Variants in THSD7A observed in about 807,000 individuals in gnomAD.
THSD7A encodes the protein thrombospondin type-1 domain-containing protein 7A.
THSD7A carries 96 observed loss-of-function variants against 231.3 expected under a neutral mutation model. That is an observed-to-expected ratio of 0.41 (90% confidence interval 0.35 to 0.49). The LOEUF (loss-of-function observed/expected upper bound fraction) is 0.49, where lower values mean the gene tolerates loss of function less well. Among genes scored for constraint, THSD7A ranks in the 20% least tolerant of loss-of-function variants. The pLI is 0.05. For missense variants in THSD7A, 2,290 were observed against 2,070.2 expected (o/e 1.11, Z -2.06); for synonymous variants, 940 against 743.3 (o/e 1.26, Z -4.30).
chr7:11,680,852 T>C (rs1003081980), intron 1 of THSD7A, among the ~76,000 whole-genome samples: 16 of 151,964 alleles, frequency 1.1e-4, no homozygotes, highest in African/African-American at 3.6e-4. Flanking sequence ...CATCACCGAG[T>C]GTATACCTAA....
chr7:11,661,239 C>T (rs538928912), intron 1 of THSD7A, among the ~76,000 whole-genome samples: 3 of 151,448 alleles, frequency 2.0e-5, no homozygotes, highest in South Asian at 4.1e-4. Flanking sequence ...AAGGTGATCT[C>T]TCTCTAACCT....
chr7:11,407,555 A>T, intron 19 of THSD7A, 132 bp from the exon 20 acceptor site: 1 of 658,150 alleles, frequency 1.5e-6, no homozygotes, highest in Non-Finnish European at 2.6e-6. Flanking sequence ...TACCTGGAGG[A>T]CAAACATCCA....
chr7:11,651,309 A>T (rs1782492846), intron 1 of THSD7A, among the ~76,000 whole-genome samples: 1 of 152,034 alleles, frequency 6.6e-6, no homozygotes, highest in South Asian at 2.1e-4. Flanking sequence ...GTATTGGTTG[A>T]TGAGTGCAGA....
At chr7:11,808,021 T>C (rs945190157) in intron 1 of THSD7A, among the ~76,000 whole-genome samples, 18 of 152,102 alleles carry the variant, frequency 1.2e-4, no homozygotes, top group African/African-American at 4.1e-4. Context: ...TGGTCCCAAG[T>C]ACCCCAGAGG....
At chr7:11,523,023 GT>G (rs1394063112) in intron 6 of THSD7A, among the ~76,000 whole-genome samples, 6 of 152,048 alleles carry the variant, frequency 3.9e-5, no homozygotes, top group African/African-American at 1.4e-4. Flanking sequence ...TCTCAAGTAT[GT>G]CCACACTACA....
chr7:11,647,149 C>T (rs1782314427), intron 1 of THSD7A, among the ~76,000 whole-genome samples: 1 of 152,032 alleles, frequency 6.6e-6, no homozygotes, highest in Non-Finnish European at 1.5e-5. Context: ...CTAAGATTTT[C>T]TTATTCTACC....
At chr7:11,483,000 G>C (rs1028822103) in intron 6 of THSD7A, among the ~76,000 whole-genome samples, 1 of 152,172 alleles carries the variant, frequency 6.6e-6, no homozygotes, top group East Asian at 1.9e-4. Flanking sequence ...GAACAGAACA[G>C]AATGAAATCA....
intron 1 of THSD7A, among the ~76,000 whole-genome samples, chr7:11,647,657 C>A (rs981073410): frequency 6.6e-6 from 1 of 152,056 alleles, no homozygotes; most frequent in South Asian, 2.1e-4. Context: ...CAGGCATCTG[C>A]AAGTCCTCTG....
chr7:11,663,346 C>T (rs1232266006), intron 1 of THSD7A, among the ~76,000 whole-genome samples: 4 of 151,432 alleles, frequency 2.6e-5, no homozygotes, highest in Non-Finnish European at 5.9e-5. Flanking sequence ...GTTCCTCCGT[C>T]TATTCAATCT....
At chr7:11,721,243 C>A (rs1281419151) in intron 1 of THSD7A, among the ~76,000 whole-genome samples, 1 of 151,754 alleles carries the variant, frequency 6.6e-6, no homozygotes, top group Non-Finnish European at 1.5e-5. Flanking sequence ...TTTGTGTCTC[C>A]ACTCAAATTT....
chr7:11,401,564 C>A lies in THSD7A; in HGVS notation c.4411+231G>T, dbSNP rs114617594. On this transcript the variant is annotated intron_variant, in intron 23 of 27. Coordinates refer to ENST00000423059, the MANE Select transcript of THSD7A (RefSeq NM_015204.3). ...TCCTGAGTAGCTTGGATTACAGGAG[C>A]CTGACACCATGCATAATTTTTTTTT... Among the ~76,000 whole-genome samples, 473 of 152,122 alleles carry A rather than the reference C, an allele frequency of 3.1e-3. 3 individuals carry two copies. The highest frequency in any genetic ancestry group is 0.011 in the African/African-American group (439 of 41,510).
At chr7:11,643,821 T>C (rs1223699524) in intron 1 of THSD7A, among the ~76,000 whole-genome samples, 1 of 152,054 alleles carries the variant, frequency 6.6e-6, no homozygotes, top group Non-Finnish European at 1.5e-5. Context: ...TCCATTGCTA[T>C]ACATCAGTCA....
chr7:11,501,697 C>A (rs1194148561), intron 6 of THSD7A, among the ~76,000 whole-genome samples: 1 of 152,040 alleles, frequency 6.6e-6, no homozygotes, highest in Non-Finnish European at 1.5e-5. Context: ...CTTAAATTAG[C>A]AATGTAACTT....
chr7:11,655,641 A>T (rs1452423375), intron 1 of THSD7A, among the ~76,000 whole-genome samples: 1 of 151,944 alleles, frequency 6.6e-6, no homozygotes, highest in Non-Finnish European at 1.5e-5. Flanking sequence ...AAAACAGAGT[A>T]GACAAACAGT....
chr7:11,513,536 G>A (rs9638671), intron 6 of THSD7A, among the ~76,000 whole-genome samples: 39,647 of 151,880 alleles, frequency 0.26, 6,588 homozygotes, highest in Non-Finnish European at 0.37. Flanking sequence ...ACTTAAAGAA[G>A]CCAGACACAA....
At chr7:11,561,589 G>A (rs1298349999) in intron 4 of THSD7A, among the ~76,000 whole-genome samples, 1 of 152,186 alleles carries the variant, frequency 6.6e-6, no homozygotes, top group Non-Finnish European at 1.5e-5. Flanking sequence ...AAGAAACTGA[G>A]GCCAGGTGTG....
chr7:11,411,415 C>G lies in THSD7A; in HGVS notation c.3683-93G>C, dbSNP rs1024554680. The G allele has an allele frequency of 1.5e-5, 12 of 800,014 alleles. No individual in the cohort carries two copies. The African/African-American group carries it at 2.1e-4, about 14-fold the overall frequency. The allele number at this position is 800,014 out of a possible 1,614,324, so 49.6% of individuals were successfully genotyped here. ...TGACCTGAATCCCATATTTAATTCA[C>G]AACTGCTTCCTAAGCCCCATAATCA... On this transcript the variant is annotated intron_variant, in intron 18 of 27. Coordinates refer to ENST00000423059, the MANE Select transcript of THSD7A (RefSeq NM_015204.3). This position sits in a 1 kb window ranked among gnomAD's most constrained non-coding sequence, Gnocchi z 4.1.
At chr7:11,745,545 C>T (rs925898732) in intron 1 of THSD7A, among the ~76,000 whole-genome samples, 1 of 151,996 alleles carries the variant, frequency 6.6e-6, no homozygotes, top group South Asian at 2.1e-4. Context: ...ATGGTATTGC[C>T]TAGGTTTTCT....
At position 11,457,804 on chromosome 7, in the gene THSD7A, T is replaced by C. The variant is rs536873848; in HGVS notation, c.2605+2858A>G. 3.3e-5 allele frequency among the ~76,000 whole-genome samples: 5 copies of C among 152,226 alleles called. No individual in the cohort carries two copies. The South Asian group carries it at 1.0e-3, about 32-fold the overall frequency. ...AACACTTAGCTTATAGAATTGATCT[T>C]ATCTTGTATTCTTTTATCCTCTCTA... On this transcript the variant is annotated intron_variant, in intron 11 of 27. Transcript: ENST00000423059.
Sources: gnomAD v4.1 joint callset for allele counts (sites outside exome capture counted in the v4.1 genomes callset) on GRCh38, gnomAD v4.1.1 for gene constraint, Gnocchi (gnomAD v3.1) non-coding constraint, MANE v1.5 for transcripts, NCBI Gene and HGNC (gene_info 2026-07-23, HGNC 2026-07-21) for gene names.